TPD52: variants seen among roughly 807,000 people sequenced by gnomAD.
The protein encoded by TPD52 is tumor protein D52, also known as prostate and colon associated protein.
Under a neutral mutation model 31.3 loss-of-function variants are expected in TPD52, and 17 were observed. The ratio of observed to expected loss-of-function variants is 0.54; its 90% CI spans 0.37 to 0.82. The LOEUF (loss-of-function observed/expected upper bound fraction) is 0.82, where lower values mean the gene tolerates loss of function less well. Ranked by LOEUF, TPD52 falls within the 40% of genes least tolerant of loss-of-function variation. TPD52 has a pLI of 0.00. For synonymous variants in TPD52, 83 were observed against 89.6 expected (o/e 0.93, Z 0.42); for missense variants, 212 against 240.1 (o/e 0.88, Z 0.77).
At chr8:80,136,251 G>T (rs539662362) in intron 1 of TPD52, among the ~76,000 whole-genome samples, 2 of 142,388 alleles carry the variant, frequency 1.4e-5, no homozygotes, top group African/African-American at 5.1e-5. Context: ...ATGGCCGGGC[G>T]CGGTGGCTCA....
At chr8:80,100,829 C>A (rs888422089) in intron 1 of TPD52, among the ~76,000 whole-genome samples, 1 of 152,192 alleles carries the variant, frequency 6.6e-6, no homozygotes, top group Non-Finnish European at 1.5e-5. Flanking sequence ...ATCAGGCCTT[C>A]AATGATAGGA....
chr8:80,064,238 T>C (rs1812868408), intron 2 of TPD52, among the ~76,000 whole-genome samples: 1 of 152,184 alleles, frequency 6.6e-6, no homozygotes, highest in Non-Finnish European at 1.5e-5. Flanking sequence ...ATTCATTTCC[T>C]GCTTCACACT....
chr8:80,125,650 T>C (rs1808551173), intron 1 of TPD52, among the ~76,000 whole-genome samples: 1 of 152,084 alleles, frequency 6.6e-6, no homozygotes, highest in South Asian at 2.1e-4. Flanking sequence ...ATCAATAAAA[T>C]ACAGTATTTT....
intron 5 of TPD52, among the ~76,000 whole-genome samples, chr8:80,048,656 A>G (rs1811096407): frequency 6.6e-6 from 1 of 152,240 alleles, no homozygotes; most frequent in Non-Finnish European, 1.5e-5. Context: ...GGTTTTCTTT[A>G]TATGTGTCAA....
chr8:80,161,066 C>CA (rs541869400), intron 1 of TPD52, among the ~76,000 whole-genome samples: 13 of 149,450 alleles, frequency 8.7e-5, no homozygotes, highest in East Asian at 5.9e-4. Context: ...GACTCTGTCT[C>CA]AAAAAAAAGA....
At chr8:80,067,441 A>C (rs1813284156) in intron 1 of TPD52, 1 of 152,224 alleles carries the variant, frequency 6.6e-6, no homozygotes, top group African/African-American at 2.4e-5. Context: ...CATCACAGTC[A>C]TGCCTTGAGA....
intron 1 of TPD52, among the ~76,000 whole-genome samples, chr8:80,104,413 T>C (rs1806953696): frequency 7.8e-6 from 1 of 128,312 alleles, no homozygotes; most frequent in South Asian, 2.4e-4. Context: ...ACAAAATTGT[T>C]CACCTACATA....
intron 1 of TPD52, among the ~76,000 whole-genome samples, chr8:80,124,866 T>C (rs9643751): frequency 0.33 from 50,886 of 151,986 alleles, 9,955 homozygotes; most frequent in East Asian, 0.71. Context: ...CTCAGCAAAA[T>C]TGAGCAGAAA....
At chr8:80,043,896 T>A (rs1389496986) in intron 6 of TPD52, among the ~76,000 whole-genome samples, 1 of 152,188 alleles carries the variant, frequency 6.6e-6, no homozygotes, top group Non-Finnish European at 1.5e-5. Flanking sequence ...CAAGTAGTGC[T>A]CACTTTGTGA....
intron 1 of TPD52, chr8:80,170,944 C>T (rs1812039374): frequency 8.6e-6 from 3 of 349,400 alleles, no homozygotes; most frequent in South Asian, 4.4e-5. Flanking sequence ...GGGTCATACG[C>T]CACCAAAAAT....
At chr8:80,159,900 A>C (rs1056133140) in intron 1 of TPD52, among the ~76,000 whole-genome samples, 1 of 152,206 alleles carries the variant, frequency 6.6e-6, no homozygotes, top group Non-Finnish European at 1.5e-5. Flanking sequence ...CTGATTAGAA[A>C]ATGTAGTTTA....
At chr8:80,051,711 C>A (rs1811408500) in intron 3 of TPD52, 83 bp from the exon 4 acceptor site, 1 of 1,090,710 alleles carries the variant, frequency 9.2e-7, no homozygotes. Flanking sequence ...GCAGTGGTCA[C>A]CACCTGCTGG....
At chr8:80,041,901 G>A (rs570652195) in intron 7 of TPD52, among the ~76,000 whole-genome samples, 1 of 152,028 alleles carries the variant, frequency 6.6e-6, no homozygotes, top group African/African-American at 2.4e-5. Flanking sequence ...CATTCTGGCT[G>A]ACACAGTGAA....
intron 1 of TPD52, among the ~76,000 whole-genome samples, chr8:80,152,780 C>CAAGAAAAAA (rs1810670061): frequency 1.2e-5 from 1 of 83,546 alleles, no homozygotes; most frequent in African/African-American, 5.1e-5. Flanking sequence ...GACTCCGTCT[C>CAAGAAAAAA]AAAAAAAAAA....
chr8:80,057,916 T>C (rs1354587619), intron 2 of TPD52, among the ~76,000 whole-genome samples: 2 of 152,184 alleles, frequency 1.3e-5, no homozygotes, highest in African/African-American at 2.4e-5. Flanking sequence ...ATATAGCTGG[T>C]AACTTCATTT....
chr8:80,039,840 C>T (rs1810206786), intron 7 of TPD52, among the ~76,000 whole-genome samples: 1 of 152,162 alleles, frequency 6.6e-6, no homozygotes, highest in Admixed American at 6.5e-5. Flanking sequence ...CTCTGACCTT[C>T]CCTTCCACCA....
intron 1 of TPD52, among the ~76,000 whole-genome samples, chr8:80,158,120 C>T (rs984017531): frequency 2.0e-5 from 3 of 152,114 alleles, no homozygotes; most frequent in African/African-American, 7.2e-5. Context: ...ATTCCCATCA[C>T]TTAATCCAAA....
chr8:80,077,141 G>A (rs1814660584), intron 1 of TPD52, among the ~76,000 whole-genome samples: 2 of 152,178 alleles, frequency 1.3e-5, no homozygotes, highest in Non-Finnish European at 1.5e-5. Flanking sequence ...ACGATGTGGT[G>A]ACGCGCACCT....
At chr8:80,055,948 T>C (rs1301976613) in intron 2 of TPD52, among the ~76,000 whole-genome samples, 1 of 152,148 alleles carries the variant, frequency 6.6e-6, no homozygotes, top group Non-Finnish European at 1.5e-5. Flanking sequence ...GGAATATAAA[T>C]TAGTACAGCC....
Sources: allele counts gnomAD v4.1 joint callset (sites outside exome capture counted in the v4.1 genomes callset), GRCh38; gene constraint gnomAD v4.1.1; transcripts MANE v1.5; gene names NCBI Gene and HGNC (gene_info 2026-07-23, HGNC 2026-07-21).